ST6GALNAC3: variants seen among roughly 807,000 people sequenced by gnomAD.
ST6GALNAC3 encodes the protein alpha-N-acetylgalactosaminide alpha-2,6-sialyltransferase 3.
Under a neutral mutation model 32.7 loss-of-function variants are expected in ST6GALNAC3, and 25 were observed. The ratio of observed to expected loss-of-function variants is 0.76; its 90% CI spans 0.56 to 1.07. The LOEUF (loss-of-function observed/expected upper bound fraction) is 1.07. Among genes scored for constraint, ST6GALNAC3 ranks in the 50% least tolerant of loss-of-function variants. The pLI is 0.00. For missense variants in ST6GALNAC3, 355 were observed against 382.4 expected, an observed-to-expected ratio of 0.93 and a Z score of 0.60; for synonymous variants, 129 against 133.1, an observed-to-expected ratio of 0.97 and a Z score of 0.21.
At chr1:76,272,324 GA>G (rs55839101) in intron 1 of ST6GALNAC3, among the ~76,000 whole-genome samples, 46,436 of 111,680 alleles carry the variant, frequency 0.42, 9,224 homozygotes, top group Non-Finnish European at 0.5. Flanking sequence ...CTCAGTCTCG[GA>G]AAAAAAAAAA....
chr1:76,588,914 T>G (rs536432541), intron 3 of ST6GALNAC3, among the ~76,000 whole-genome samples: 7 of 152,320 alleles, frequency 4.6e-5, no homozygotes, highest in Non-Finnish European at 1.0e-4. Flanking sequence ...ATCTTTGAAT[T>G]GCCTCCTCTG....
intron 3 of ST6GALNAC3, among the ~76,000 whole-genome samples, chr1:76,617,256 G>A (rs910164265): frequency 3.9e-5 from 6 of 152,102 alleles, no homozygotes; most frequent in African/African-American, 1.4e-4. Flanking sequence ...CTCCAGTTAA[G>A]TCAAAAACCT....
At chr1:76,255,549 G>A (rs764377642) in intron 1 of ST6GALNAC3, among the ~76,000 whole-genome samples, 10 of 152,100 alleles carry the variant, frequency 6.6e-5, no homozygotes, top group Non-Finnish European at 1.2e-4. Flanking sequence ...CAGCCCTTGC[G>A]TATATTTTGT....
chr1:76,129,124 G>A (rs1178098303), intron 1 of ST6GALNAC3, among the ~76,000 whole-genome samples: 1 of 152,270 alleles, frequency 6.6e-6, no homozygotes, highest in Non-Finnish European at 1.5e-5. Flanking sequence ...TCACCCACCT[G>A]TACAGGGGAG....
intron 1 of ST6GALNAC3, among the ~76,000 whole-genome samples, chr1:76,102,938 AC>A (rs1311229022): frequency 3.3e-5 from 5 of 151,916 alleles, no homozygotes; most frequent in African/African-American, 1.2e-4. Flanking sequence ...GCTTTATTTT[AC>A]TATCACTCTT....
At chr1:76,397,028 A>G (rs2101187042) in intron 2 of ST6GALNAC3, among the ~76,000 whole-genome samples, 1 of 152,288 alleles carries the variant, frequency 6.6e-6, no homozygotes, top group South Asian at 2.1e-4. Flanking sequence ...CAGTAATCTC[A>G]TTTACTGGGT....
intron 2 of ST6GALNAC3, among the ~76,000 whole-genome samples, chr1:76,334,096 T>C (rs1296576044): frequency 5.3e-5 from 8 of 152,102 alleles, no homozygotes; most frequent in African/African-American, 9.7e-5. Flanking sequence ...TAGAATTACA[T>C]GTATTTATTA....
intron 1 of ST6GALNAC3, among the ~76,000 whole-genome samples, chr1:76,238,953 T>C (rs946991022): frequency 2.0e-5 from 3 of 151,418 alleles, no homozygotes; most frequent in Non-Finnish European, 4.4e-5. Flanking sequence ...CTAACCTTTT[T>C]TTTTTTTTTT....
At chr1:76,564,422 A>G (rs1317310304) in intron 3 of ST6GALNAC3, among the ~76,000 whole-genome samples, 1 of 152,172 alleles carries the variant, frequency 6.6e-6, no homozygotes, top group Non-Finnish European at 1.5e-5. Context: ...AGAGAACTTA[A>G]TTCAAAAGAA....
intron 1 of ST6GALNAC3, among the ~76,000 whole-genome samples, chr1:76,173,199 G>T (rs1212602905): frequency 1.3e-5 from 2 of 152,166 alleles, no homozygotes; most frequent in Non-Finnish European, 2.9e-5. Context: ...ACAACCATCT[G>T]ATCTTTGACA....
intron 1 of ST6GALNAC3, among the ~76,000 whole-genome samples, chr1:76,111,580 C>T (rs558407054): frequency 2.7e-5 from 4 of 150,088 alleles, no homozygotes; most frequent in Admixed American, 2.7e-4. Context: ...GCAGAGGACC[C>T]TGCGGCCTTC....
chr1:76,208,041 G>GCC (rs5775330), intron 1 of ST6GALNAC3, among the ~76,000 whole-genome samples: 2,966 of 54,028 alleles, frequency 0.055, 90 homozygotes, highest in East Asian at 0.17. Flanking sequence ...ACTCAAGAGT[G>GCC]CCCCCCCCCC....
chr1:76,261,046 T>C (rs1242067347), intron 1 of ST6GALNAC3, among the ~76,000 whole-genome samples: 1 of 151,826 alleles, frequency 6.6e-6, no homozygotes, highest in Non-Finnish European at 1.5e-5. Context: ...TATTAACATA[T>C]TATTAACTCA....
chr1:76,124,345 G>C (rs1649095101), intron 1 of ST6GALNAC3, among the ~76,000 whole-genome samples: 1 of 152,156 alleles, frequency 6.6e-6, no homozygotes, highest in African/African-American at 2.4e-5. Context: ...GTGATGTGAA[G>C]AGATGACTAA....
chr1:76,162,576 T>A (rs913916026), intron 1 of ST6GALNAC3, among the ~76,000 whole-genome samples: 3 of 152,164 alleles, frequency 2.0e-5, no homozygotes, highest in South Asian at 2.1e-4. Flanking sequence ...TAGTGAGGGT[T>A]TAAATGAGAT....
At chr1:76,178,925 C>T (rs1467568830) in intron 1 of ST6GALNAC3, among the ~76,000 whole-genome samples, 1 of 152,200 alleles carries the variant, frequency 6.6e-6, no homozygotes, top group Non-Finnish European at 1.5e-5. Context: ...CACTGTCAAC[C>T]CCTTGTGGCT....
At chr1:76,320,430 C>T (rs2100919457) in intron 2 of ST6GALNAC3, among the ~76,000 whole-genome samples, 1 of 152,084 alleles carries the variant, frequency 6.6e-6, no homozygotes, top group Middle Eastern at 3.4e-3. Context: ...GTGCTCTTAC[C>T]TTGGCCCTAC....
chr1:76,456,974 C>A (rs1406223462), intron 3 of ST6GALNAC3, among the ~76,000 whole-genome samples: 5 of 152,078 alleles, frequency 3.3e-5, no homozygotes, highest in African/African-American at 1.2e-4. Flanking sequence ...AGCCCAAAAT[C>A]TCCTTAAGCT....
intron 1 of ST6GALNAC3, among the ~76,000 whole-genome samples, chr1:76,132,630 T>C (rs1374473272): frequency 6.6e-6 from 1 of 152,184 alleles, no homozygotes; most frequent in East Asian, 1.9e-4. Context: ...GGAGGACCAC[T>C]TGTAGAGGTC....
Sources: gnomAD v4.1 joint callset for allele counts (sites outside exome capture counted in the v4.1 genomes callset) on GRCh38, gnomAD v4.1.1 for gene constraint, MANE v1.5 for transcripts, NCBI Gene and HGNC (gene_info 2026-07-23, HGNC 2026-07-21) for gene names.